The following KCNT2 variants were observed in gnomAD, a reference collection of about 807,000 sequenced individuals.
The protein encoded by KCNT2 is potassium sodium-activated channel subfamily T member 2, also known as potassium channel subfamily T member 2.
Under a neutral mutation model 153.8 loss-of-function variants are expected in KCNT2, and 67 were observed. The ratio of observed to expected loss-of-function variants is 0.44; its 90% CI spans 0.36 to 0.53. The LOEUF is 0.53. Ranked by LOEUF, KCNT2 falls within the 20% of genes least tolerant of loss-of-function variation. The pLI, the probability that KCNT2 is intolerant of heterozygous loss-of-function variation, is 0.00. For synonymous variants in KCNT2, 500 were observed against 458.8 expected, an observed-to-expected ratio of 1.09 and a Z score of -1.15; for missense variants, 975 against 1,354.8, an observed-to-expected ratio of 0.72 and a Z score of 4.40.
rs559486097 is a variant in KCNT2 at position 196,385,908 on chromosome 1, T to C, written c.1294+12655A>G. On this transcript the variant is annotated intron_variant, in intron 13 of 27. Transcript: ENST00000294725. ...CATGCTGGTATTCATGCCTGTGCTGTTCCCTCCTACATAGCAGAATGGGGA... is the reference window on the plus strand; with the variant it reads ...CATGCTGGTATTCATGCCTGTGCTGCTCCCTCCTACATAGCAGAATGGGGA... Among the ~76,000 whole-genome samples the C allele has an allele frequency of 3.3e-5, 5 of 152,204 alleles. No homozygotes were observed. The South Asian group carries it at 1.0e-3, about 32-fold the overall frequency.
At chr1:196,540,272 A>G (rs1306331063) in intron 1 of KCNT2, among the ~76,000 whole-genome samples, 2 of 152,198 alleles carry the variant, frequency 1.3e-5, no homozygotes, top group Non-Finnish European at 2.9e-5. Flanking sequence ...GCATCATCAA[A>G]TGTTCCGAAA....
chr1:196,262,166 C>A (rs1283289964), intron 25 of KCNT2, among the ~76,000 whole-genome samples: 1 of 151,876 alleles, frequency 6.6e-6, no homozygotes, highest in East Asian at 1.9e-4. Context: ...GTGTCAGATA[C>A]ACTAAATACA....
At chr1:196,454,387 T>G (rs1020756246) in intron 8 of KCNT2, among the ~76,000 whole-genome samples, 1 of 151,926 alleles carries the variant, frequency 6.6e-6, no homozygotes, top group Non-Finnish European at 1.5e-5. Flanking sequence ...CTCTTTCTCC[T>G]CTAGCAGTCC....
rs1175434164 is a variant in KCNT2, at chr1:196,465,290, T to C, written c.638+3A>G. Reference sequence around the variant, plus strand: ...ACACAAATTCTGATATGTACAATCTTACCAGGTGAAGATAAGGCATAGTAA... The same window carrying C: ...ACACAAATTCTGATATGTACAATCTCACCAGGTGAAGATAAGGCATAGTAA... On this transcript the variant is annotated splice_donor_region_variant and intron_variant, in intron 8 of 27. Transcript: ENST00000294725. 15 of 1,466,420 alleles carry C rather than the reference T, an allele frequency of 1.0e-5. No homozygotes were observed. Among genetic ancestry groups the C allele is most frequent in the Non-Finnish European group, 1.3e-5 (14 of 1,048,840 alleles). The allele number at this position is 1,466,420 out of a possible 1,614,324, so 90.8% of individuals were successfully genotyped here. A position where few individuals can be genotyped will look rare whatever the true frequency, so the allele number is the denominator to read the frequency against.
chr1:196,345,764 A>G (rs1666087112), intron 14 of KCNT2, among the ~76,000 whole-genome samples: 1 of 152,180 alleles, frequency 6.6e-6, no homozygotes. Flanking sequence ...GAATTTGCTA[A>G]TGGAAGAGAA....
intron 14 of KCNT2, 110 bp from the exon 15 acceptor site, chr1:196,342,338 C>A (rs1665721990): frequency 3.5e-6 from 3 of 846,836 alleles, no homozygotes; most frequent in Non-Finnish European, 5.2e-6. Flanking sequence ...AACTGGCAAG[C>A]ACAATCCAAA....
intron 1 of KCNT2, among the ~76,000 whole-genome samples, chr1:196,592,130 T>C (rs547434575): frequency 6.6e-6 from 1 of 152,034 alleles, no homozygotes; most frequent in South Asian, 2.1e-4. Flanking sequence ...CATCAACCGA[T>C]GAATGGATAA....
At chr1:196,257,024 TTAAG>T in intron 26 of KCNT2, among the ~76,000 whole-genome samples, 1 of 152,234 alleles carries the variant, frequency 6.6e-6, no homozygotes, top group South Asian at 2.1e-4. Flanking sequence ...TGGACTACAT[TTAAG>T]TAAGTATCAT....
intron 25 of KCNT2, among the ~76,000 whole-genome samples, chr1:196,277,019 A>G (rs758574233): frequency 2.0e-5 from 3 of 152,172 alleles, no homozygotes; most frequent in African/African-American, 4.8e-5. Context: ...TGATTTTTCT[A>G]GAATTATTAC....
At chr1:196,603,704 G>T (rs569001215) in intron 1 of KCNT2, among the ~76,000 whole-genome samples, 2 of 151,826 alleles carry the variant, frequency 1.3e-5, no homozygotes, top group East Asian at 3.9e-4. Flanking sequence ...CATGATTATT[G>T]GATTTGAAAC....
At chr1:196,246,101 G>T (rs1174945224) in intron 26 of KCNT2, among the ~76,000 whole-genome samples, 2 of 152,106 alleles carry the variant, frequency 1.3e-5, no homozygotes, top group Non-Finnish European at 2.9e-5. Flanking sequence ...AGTAGCAAGA[G>T]AAAAGAAACA....
chr1:196,231,231 G>A (rs1464729344), intron 27 of KCNT2, among the ~76,000 whole-genome samples: 1 of 151,580 alleles, frequency 6.6e-6, no homozygotes, highest in Non-Finnish European at 1.5e-5. Context: ...CTTTGCTTTT[G>A]CACACTTAGT....
chr1:196,463,701 A>T (rs553711035), intron 8 of KCNT2, among the ~76,000 whole-genome samples: 1 of 151,830 alleles, frequency 6.6e-6, no homozygotes, highest in South Asian at 2.1e-4. Flanking sequence ...ATATAGTGGA[A>T]ATTTCATATA....
intron 8 of KCNT2, among the ~76,000 whole-genome samples, chr1:196,449,464 T>C (rs1419427515): frequency 6.6e-6 from 1 of 151,690 alleles, no homozygotes; most frequent in Non-Finnish European, 1.5e-5. Flanking sequence ...CTCTATATAA[T>C]ATTTGCAAAG....
At chr1:196,412,979 CATTTT>C (rs1439778826) in intron 12 of KCNT2, among the ~76,000 whole-genome samples, 3 of 151,458 alleles carry the variant, frequency 2.0e-5, no homozygotes, top group East Asian at 3.9e-4. Context: ...CAGAAAATGT[CATTTT>C]CTTACAGTGC....
At chr1:196,553,976 A>G (rs1004960133) in intron 1 of KCNT2, among the ~76,000 whole-genome samples, 2 of 151,240 alleles carry the variant, frequency 1.3e-5, no homozygotes, top group East Asian at 3.9e-4. Flanking sequence ...ATACAGCAAA[A>G]GCAGTACTAA....
intron 8 of KCNT2, among the ~76,000 whole-genome samples, chr1:196,443,503 G>T (rs570690009): frequency 6.6e-6 from 1 of 151,312 alleles, no homozygotes; most frequent in Non-Finnish European, 1.5e-5. Context: ...GATCAAACAG[G>T]TTTACATATT....
intron 13 of KCNT2, among the ~76,000 whole-genome samples, chr1:196,375,578 C>T (rs574253463): frequency 1.3e-5 from 2 of 151,108 alleles, no homozygotes; most frequent in Non-Finnish European, 3.0e-5. Flanking sequence ...TTTATTCATG[C>T]CTGAGTGTTT....
chr1:196,475,269 C>G (rs1291936779), intron 5 of KCNT2, among the ~76,000 whole-genome samples: 1 of 152,046 alleles, frequency 6.6e-6, no homozygotes, highest in African/African-American at 2.4e-5. Flanking sequence ...GAAACAATTG[C>G]TGGTGCAATA....
Sources: allele counts gnomAD v4.1 joint callset (sites outside exome capture counted in the v4.1 genomes callset), GRCh38; gene constraint gnomAD v4.1.1; transcripts MANE v1.5; gene names NCBI Gene and HGNC (gene_info 2026-07-23, HGNC 2026-07-21).